Variants in KCTD2 observed in about 807,000 individuals in gnomAD.
The protein encoded by KCTD2 is potassium channel tetramerization domain containing 2.
In KCTD2, 18 loss-of-function variants were observed where a neutral mutation model predicts 27.9. The ratio of observed to expected loss-of-function variants is 0.64; its 90% CI spans 0.45 to 0.96. The LOEUF (loss-of-function observed/expected upper bound fraction) is 0.96. Ranked by LOEUF, KCTD2 falls within the 40% of genes least tolerant of loss-of-function variation. The pLI, the probability that KCTD2 is intolerant of heterozygous loss-of-function variation, is 0.00. For synonymous variants in KCTD2, 175 were observed against 148.4 expected, an observed-to-expected ratio of 1.18 and a Z score of -1.30; for missense variants, 280 against 348.0, an observed-to-expected ratio of 0.80 and a Z score of 1.56.
upstream of KCTD2, chr17:75,042,732 C>A: frequency 7.1e-7 from 1 of 1,405,350 alleles, no homozygotes; most frequent in South Asian, 1.3e-5. Context: ...TGATAAATAA[C>A]AAAATAAGAG....
At chr17:75,041,391 G>GC (rs2073158574) in intron 3 of KCTD2, 2 of 143,112 alleles carry the variant, frequency 1.4e-5, no homozygotes, top group African/African-American at 5.3e-5. Context: ...GAGGTGGATT[G>GC]CCTGAGCCCA....
intron 3 of KCTD2, among the ~76,000 whole-genome samples, chr17:75,054,207 C>T (rs908470563): frequency 3.3e-5 from 5 of 151,268 alleles, no homozygotes; most frequent in African/African-American, 1.2e-4. Flanking sequence ...TGGGTAGAAA[C>T]GAGCCTTGTT....
chr17:75,051,258 A>G (rs150541005), intron 2 of KCTD2, among the ~76,000 whole-genome samples: 6,553 of 138,894 alleles, frequency 0.047, 508 homozygotes, highest in African/African-American at 0.17. Flanking sequence ...GATTACAGAC[A>G]TGAGCCACCG....
At chr17:75,059,471 T>C in intron 3 of KCTD2, 39 bp from the exon 4 acceptor site, 1 of 1,430,030 alleles carries the variant, frequency 7.0e-7, no homozygotes. Flanking sequence ...AACTGTGGTG[T>C]CCTTGGTGCT....
At chr17:75,042,582 G>A (rs2073172186), upstream of KCTD2, 3 of 1,613,028 alleles carry the variant, frequency 1.9e-6, no homozygotes, top group African/African-American at 1.3e-5. Flanking sequence ...TGGCCTTTTG[G>A]TTCTGGGGTA....
upstream of KCTD2, among the ~76,000 whole-genome samples, chr17:75,043,729 TTGTG>T (rs955595761): frequency 1.3e-5 from 2 of 152,092 alleles, no homozygotes; most frequent in African/African-American, 4.8e-5. Flanking sequence ...TCCACCCAGA[TTGTG>T]TTTTATTCAC....
upstream of KCTD2, among the ~76,000 whole-genome samples, chr17:75,044,019 T>G (rs1029781076): frequency 3.5e-5 from 5 of 144,712 alleles, no homozygotes; most frequent in African/African-American, 1.1e-4. Flanking sequence ...GCACACGTTG[T>G]GCACTTTTTT....
In KCTD2 at chr17:75,039,113, A is replaced by C. The variant is rs200412615; in HGVS notation, c.-259+3756A>C. 9 of 1,612,370 alleles carry C rather than the reference A, an allele frequency of 5.6e-6. No homozygotes were observed. In the Admixed American group the frequency reaches 1.5e-4, roughly 27 times the overall value. ...GTTAATGTAAACAGAGACGGAAAGC[A>C]GAATATCCAAGGCAGGTTCCTGCCA... is the stretch of plus-strand genomic sequence containing the variant. On this transcript the variant is annotated intron_variant, in intron 3 of 7. Transcript: ENST00000581589.
At chr17:75,050,616 G>A (rs1002549670) in intron 2 of KCTD2, among the ~76,000 whole-genome samples, 2 of 152,016 alleles carry the variant, frequency 1.3e-5, no homozygotes, top group African/African-American at 4.8e-5. Context: ...ATGGAGAATG[G>A]GGTATCCATC....
At chr17:75,062,593 A>G (rs573723630) in intron 5 of KCTD2, among the ~76,000 whole-genome samples, 2 of 151,980 alleles carry the variant, frequency 1.3e-5, no homozygotes, top group African/African-American at 4.8e-5. Flanking sequence ...TGCTTTTTTC[A>G]CTGCCTCAGG....
At chr17:75,059,456 C>A in intron 3 of KCTD2, 54 bp from the exon 4 acceptor site, 2 of 1,242,042 alleles carry the variant, frequency 1.6e-6, no homozygotes, top group Non-Finnish European at 2.2e-6. Context: ...CTTGGGGCAG[C>A]TGCAAACTGT....
At chr17:75,039,417 T>A in intron 3 of KCTD2, 1 of 663,828 alleles carries the variant, frequency 1.5e-6, no homozygotes, top group Non-Finnish European at 2.6e-6. Flanking sequence ...GCGCTCACTC[T>A]GACAGGCAAA....
chr17:75,062,893 AC>A, intron 5 of KCTD2, 124 bp from the exon 6 acceptor site: 1 of 969,450 alleles, frequency 1.0e-6, no homozygotes, highest in Non-Finnish European at 1.6e-6. Flanking sequence ...CTGCGGCTGC[AC>A]CCCTGCTTGC....
intron 4 of KCTD2, among the ~76,000 whole-genome samples, chr17:75,060,151 TCTC>T (rs1176206304): frequency 1.3e-5 from 2 of 152,072 alleles, no homozygotes; most frequent in Non-Finnish European, 2.9e-5. Flanking sequence ...GCTTCACTGT[TCTC>T]CTCCATTAGA....
chr17:75,037,199 C>T (rs892390614), intron 3 of KCTD2, among the ~76,000 whole-genome samples: 16 of 152,096 alleles, frequency 1.1e-4, no homozygotes, highest in African/African-American at 3.9e-4. Flanking sequence ...AAAAAATGAG[C>T]GGGGCGTGGT....
At chr17:75,060,426 A>C in intron 4 of KCTD2, 1 of 1,595,002 alleles carries the variant, frequency 6.3e-7, no homozygotes, top group Non-Finnish European at 8.6e-7. Flanking sequence ...TCAATTTCAA[A>C]AAGCCAAAAA....
At chr17:75,046,399 T>C (rs1263046825), upstream of KCTD2, among the ~76,000 whole-genome samples, 2 of 152,166 alleles carry the variant, frequency 1.3e-5, no homozygotes, top group Non-Finnish European at 2.9e-5. Context: ...TTTTAATTCT[T>C]AAAAATCTAT....
intron 3 of KCTD2, among the ~76,000 whole-genome samples, chr17:75,037,757 C>T (rs2073117864): frequency 1.3e-5 from 2 of 152,176 alleles, no homozygotes; most frequent in Non-Finnish European, 1.5e-5. Context: ...TAAAATAATT[C>T]TCCATGTTCA....
upstream of KCTD2, among the ~76,000 whole-genome samples, chr17:75,044,178 C>T (rs1168357116): frequency 1.4e-5 from 2 of 147,012 alleles, no homozygotes; most frequent in Non-Finnish European, 3.0e-5. Context: ...GCACCCACCA[C>T]CACACCCAGC....
Sources: allele counts gnomAD v4.1 joint callset (sites outside exome capture counted in the v4.1 genomes callset), GRCh38; gene constraint gnomAD v4.1.1; transcripts MANE v1.5; gene names NCBI Gene and HGNC (gene_info 2026-07-23, HGNC 2026-07-21).